The following NME9 variants were observed in gnomAD, a reference collection of about 807,000 sequenced individuals.
NME9 encodes thioredoxin domain-containing protein 6.
In NME9, 48 loss-of-function variants were observed where a neutral mutation model predicts 44.4. That is an observed-to-expected ratio of 1.08 (90% CI 0.86 to 1.37). The LOEUF (loss-of-function observed/expected upper bound fraction) is 1.37, where lower values mean the gene tolerates loss of function less well. Ranked by LOEUF, NME9 falls within the 40% of genes most tolerant of loss-of-function variation. The pLI, the probability that NME9 is intolerant of heterozygous loss-of-function variation, is 0.00. For missense variants in NME9, 325 were observed against 405.2 expected (o/e 0.80, Z 1.70); for synonymous variants, 139 against 147.1 (o/e 0.94, Z 0.40).
chr3:138,264,322 C>T, intron 8 of NME9: 3 of 743,458 alleles, frequency 4.0e-6, no homozygotes, highest in Non-Finnish European at 6.7e-6. Context: ...TTGTGTAGAG[C>T]ATTTTGAACG....
At position 138,315,575 on chromosome 3, in the gene NME9, C is replaced by T; in HGVS notation, c.336G>A (p.Gln112=). The T allele has an allele frequency of 6.5e-7, 1 of 1,536,694 alleles. No individual in the cohort carries two copies. Among genetic ancestry groups the T allele is most frequent in the Non-Finnish European group, 8.7e-7 (1 of 1,147,038 alleles). ...APLLQKTILD[Q]LEAEKKVLAE... is the part of the protein sequence containing the mutation. ...CCAGCACTTTCTTTTCGGCCTCCAG[C>T]TGGTCTAGGATGGTTTTCTGCAGCA... Residue 112 remains glutamine, a synonymous_variant, in exon 5 of 11, where the codon CAG becomes CAA. Coordinates refer to ENST00000333911, the MANE Select transcript of NME9 (RefSeq NM_001349018.2).
chr3:138,276,266 CTGACATACAAT>C (rs1215354263), intron 8 of NME9, among the ~76,000 whole-genome samples: 1 of 152,180 alleles, frequency 6.6e-6, no homozygotes, highest in African/African-American at 2.4e-5. Context: ...ATTTTTTTGA[CTGACATACAAT>C]TGACATACAA....
chr3:138,296,254 G>A (rs1254437762), downstream of NME9: 5 of 182,452 alleles, frequency 2.7e-5, no homozygotes, highest in East Asian at 1.5e-4. Flanking sequence ...GTATGTGCAC[G>A]TACATGGGCC....
chr3:138,267,117 T>C (rs1162255774), intron 8 of NME9: 1 of 1,066,768 alleles, frequency 9.4e-7, no homozygotes, highest in Non-Finnish European at 1.4e-6. Context: ...ATCTTCATCA[T>C]TCCAAATCAT....
chr3:138,325,079 C>T (rs979701375), intron 1 of NME9, 149 bp from the exon 2 acceptor site: 1 of 645,170 alleles, frequency 1.5e-6, no homozygotes, highest in Non-Finnish European at 2.8e-6. Flanking sequence ...TTTTCTCCTT[C>T]CTTCTCTCCC....
At chr3:138,324,445 G>A (rs1284260463) in intron 2 of NME9, 1 of 458,042 alleles carries the variant, frequency 2.2e-6, no homozygotes, top group Admixed American at 2.4e-5. Flanking sequence ...GATGCCAGGA[G>A]GATAGGGATG....
At chr3:138,266,585 T>C (rs192593753) in intron 8 of NME9, among the ~76,000 whole-genome samples, 5 of 152,324 alleles carry the variant, frequency 3.3e-5, no homozygotes, top group African/African-American at 9.6e-5. Flanking sequence ...GAGGTCTTAT[T>C]TTCCTCAGTT....
In NME9 at chr3:138,302,275, A is replaced by G. The variant is rs552114053; in HGVS notation, c.929-571T>C. On this transcript the variant is annotated intron_variant, in intron 10 of 10. Coordinates refer to ENST00000333911, the MANE Select transcript of NME9 (RefSeq NM_001349018.2). The stretch of plus-strand genomic sequence containing the variant: ...AGGAGGCTGTGCACTTATTCCCAGG[A>G]TGTGGTCTGCAGATAGCCCCTTTTC... 1.6e-4 allele frequency among the ~76,000 whole-genome samples: 24 copies of G among 152,294 alleles called. 1 individual carries two copies. In the South Asian group the frequency reaches 3.3e-3, roughly 21 times the overall value.
chr3:138,310,340 C>T (rs2052607573), intron 6 of NME9, among the ~76,000 whole-genome samples: 1 of 151,422 alleles, frequency 6.6e-6, no homozygotes, highest in Non-Finnish European at 1.5e-5. Flanking sequence ...GACTTCAACA[C>T]CCTACTGTTA....
Position 138,301,338 on chromosome 3 carries a change from G to T in NME9, c.*302C>A. ...TCATGCCTAAGCCACCCGAGTAGCTGGATGACAGGTGCACACCACCACGCC... is the reference window on the plus strand; with the variant it reads ...TCATGCCTAAGCCACCCGAGTAGCTTGATGACAGGTGCACACCACCACGCC... On this transcript the variant is annotated 3_prime_UTR_variant, in exon 11 of 11. Coordinates refer to ENST00000333911, the MANE Select transcript of NME9 (RefSeq NM_001349018.2). The T allele has an allele frequency of 2.7e-6, 1 of 367,978 alleles. No homozygotes were observed. The highest frequency in any genetic ancestry group is 5.1e-5 in the South Asian group (1 of 19,770). The allele number at this position is 367,978 out of a possible 1,614,324, so 22.8% of individuals were successfully genotyped here.
intron 6 of NME9, among the ~76,000 whole-genome samples, chr3:138,312,384 G>A (rs1189925272): frequency 1.3e-5 from 2 of 152,174 alleles, no homozygotes; most frequent in African/African-American, 2.4e-5. Context: ...CAAAGCTATA[G>A]TGACCAAAAC....
At chr3:138,281,965 A>G (rs1360578420) in intron 8 of NME9, among the ~76,000 whole-genome samples, 2 of 152,186 alleles carry the variant, frequency 1.3e-5, no homozygotes, top group Non-Finnish European at 2.9e-5. Context: ...GCTCTGGCCA[A>G]CCCATAGGAT....
At chr3:138,326,979 TA>T (rs60371178) in intron 1 of NME9, 32,607 of 71,980 alleles carry the variant, frequency 0.45, 8,211 homozygotes, top group East Asian at 0.69. Flanking sequence ...CTGCCTCTAC[TA>T]AAAAAAAAAA....
At chr3:138,264,067 C>A in intron 8 of NME9, 3 of 1,450,498 alleles carry the variant, frequency 2.1e-6, no homozygotes, top group South Asian at 2.3e-5. Context: ...AAAATGCCAG[C>A]CAGTTTGTTT....
Position 138,304,987 on chromosome 3 carries a change from G to C in NME9, c.677C>G (p.Pro226Arg). The change falls in exon 9 of 11, where the codon CCA (proline) becomes CGA (arginine). Residue 226 changes from proline (P) to arginine (R), a missense_variant. Physicochemically the swap from Pro to Arg is moderately radical, Grantham distance 103. Transcript: ENST00000333911. ...CCTGGTGAGGATCAGGAGGTGGCTTGGTCCACTGCACATGTGATGTACCAG... is the reference window on the plus strand; with the variant it reads ...CCTGGTGAGGATCAGGAGGTGGCTTCGTCCACTGCACATGTGATGTACCAG... Reference protein sequence around the residue: ...EKLVHHMCSGPSHLLILTRTE... With the variant: ...EKLVHHMCSGRSHLLILTRTE... 2 of 1,614,090 alleles carry C rather than the reference G, an allele frequency of 1.2e-6. No homozygotes were observed. Among genetic ancestry groups the C allele is most frequent in the Non-Finnish European group, 1.7e-6 (2 of 1,179,952 alleles).
At chr3:138,301,816 C>T in intron 10 of NME9, 112 bp from the exon 11 acceptor site, 5 of 800,164 alleles carry the variant, frequency 6.2e-6, no homozygotes, top group Non-Finnish European at 1.0e-5. Flanking sequence ...GCAGGAGGGT[C>T]AGCAAAGAAG....
At chr3:138,267,747 T>A (rs2048405528) in intron 8 of NME9, among the ~76,000 whole-genome samples, 2 of 152,194 alleles carry the variant, frequency 1.3e-5, no homozygotes, top group African/African-American at 4.8e-5. Context: ...TTCTTTTTTT[T>A]AATAGGAAAA....
chr3:138,280,779 A>G (rs542076158), intron 8 of NME9, among the ~76,000 whole-genome samples: 1 of 152,072 alleles, frequency 6.6e-6, no homozygotes, highest in Non-Finnish European at 1.5e-5. Context: ...GGCATGAGCC[A>G]CCATGCCTGG....
intron 6 of NME9, among the ~76,000 whole-genome samples, chr3:138,308,425 C>A (rs929491147): frequency 2.0e-5 from 3 of 151,982 alleles, no homozygotes; most frequent in African/African-American, 7.3e-5. Flanking sequence ...GTTAGCTTTT[C>A]TTCATTCTGT....
Sources: gnomAD v4.1 joint callset for allele counts (sites outside exome capture counted in the v4.1 genomes callset) on GRCh38, gnomAD v4.1.1 for gene constraint, MANE v1.5 for transcripts, NCBI Gene and HGNC (gene_info 2026-07-23, HGNC 2026-07-21) for gene names.